The following BNC2 variants were observed in gnomAD, a reference collection of about 807,000 sequenced individuals.
BNC2 encodes zinc finger protein basonuclin-2.
A neutral mutation model predicts 76.3 loss-of-function variants in BNC2; 20 were observed. That is an observed-to-expected ratio of 0.26 (90% CI 0.18 to 0.38). BNC2 has a LOEUF of 0.38. BNC2 is among the 10% of genes least tolerant of loss of function. BNC2 has a pLI of 1.00. For synonymous variants in BNC2, 582 were observed against 514.8 expected, an observed-to-expected ratio of 1.13 and a Z score of -1.77; for missense variants, 1,382 against 1,399.8, an observed-to-expected ratio of 0.99 and a Z score of 0.20.
intron 3 of BNC2, among the ~76,000 whole-genome samples, chr9:16,583,696 T>A (rs1189020701): frequency 6.6e-6 from 1 of 152,156 alleles, no homozygotes; most frequent in East Asian, 1.9e-4. Flanking sequence ...TCGTTCCTGT[T>A]TTGAAAAATA....
chr9:16,674,949 G>A (rs899287379), intron 3 of BNC2, among the ~76,000 whole-genome samples: 2 of 152,104 alleles, frequency 1.3e-5, no homozygotes, highest in Non-Finnish European at 2.9e-5. Flanking sequence ...TAAAGTTTAA[G>A]AATCGGCATT....
chr9:16,594,294 C>A (rs368241372), intron 3 of BNC2, among the ~76,000 whole-genome samples: 1 of 152,098 alleles, frequency 6.6e-6, no homozygotes, highest in Non-Finnish European at 1.5e-5. Flanking sequence ...AGAAGTAACA[C>A]AAAAGTTGTC....
At chr9:16,613,352 C>A (rs527421105) in intron 3 of BNC2, among the ~76,000 whole-genome samples, 1 of 152,258 alleles carries the variant, frequency 6.6e-6, no homozygotes, top group Non-Finnish European at 1.5e-5. Flanking sequence ...GGAAAAAAAT[C>A]CATTTTGTGC....
At chr9:16,610,273 G>C (rs990172602) in intron 3 of BNC2, among the ~76,000 whole-genome samples, 12 of 152,180 alleles carry the variant, frequency 7.9e-5, no homozygotes, top group South Asian at 6.2e-4. Context: ...TGGCATTTGG[G>C]AGCCCCCTTT....
Position 16,479,463 on chromosome 9 carries a change from G to A in BNC2, c.670-41939C>T, listed in dbSNP as rs1463982100. ...AAGGTTCATTTTCCCTTCAGTGATA[G>A]GGAGGTATAAGAGCCTTCCTCTTCA... is the stretch of plus-strand genomic sequence containing the variant. On this transcript the variant is annotated intron_variant, in intron 5 of 6. Coordinates refer to ENST00000380672, the MANE Select transcript of BNC2 (RefSeq NM_017637.6). Among the ~76,000 whole-genome samples, 7 of 152,192 alleles carry A rather than the reference G, an allele frequency of 4.6e-5. No individual in the cohort carries two copies. The East Asian group carries it at 1.4e-3, about 29-fold the overall frequency.
chr9:16,545,992 G>A (rs1818470429), intron 5 of BNC2, among the ~76,000 whole-genome samples: 2 of 152,180 alleles, frequency 1.3e-5, no homozygotes, highest in African/African-American at 4.8e-5. Flanking sequence ...TAGTATTTCA[G>A]GATGTACTTA....
chr9:16,521,271 T>C (rs1342420493), intron 5 of BNC2, among the ~76,000 whole-genome samples: 1 of 152,152 alleles, frequency 6.6e-6, no homozygotes, highest in Admixed American at 6.5e-5. Flanking sequence ...GGAAGCTCTA[T>C]CTCCCTCTAC....
intron 1 of BNC2, among the ~76,000 whole-genome samples, chr9:16,815,233 C>T (rs911942362): frequency 6.6e-6 from 1 of 152,100 alleles, no homozygotes; most frequent in African/African-American, 2.4e-5. Flanking sequence ...AGATTAAGTA[C>T]AGCTGGAGTG....
At chr9:16,785,870 T>C (rs1238977625) in intron 1 of BNC2, among the ~76,000 whole-genome samples, 1 of 151,214 alleles carries the variant, frequency 6.6e-6, no homozygotes, top group Middle Eastern at 3.4e-3. Context: ...CAAATGGCAA[T>C]GTGAACACAT....
At chr9:16,645,162 C>T (rs1379452168) in intron 3 of BNC2, among the ~76,000 whole-genome samples, 1 of 152,036 alleles carries the variant, frequency 6.6e-6, no homozygotes, top group Non-Finnish European at 1.5e-5. Flanking sequence ...TTCCTTGAAC[C>T]TTGGCTTGGA....
intron 5 of BNC2, among the ~76,000 whole-genome samples, chr9:16,473,730 G>A (rs897020177): frequency 3.3e-4 from 50 of 152,070 alleles, no homozygotes; most frequent in African/African-American, 8.4e-4. Context: ...AAAATTAGCC[G>A]GGTGTGGTGG....
At chr9:16,470,585 G>A (rs1223012797) in intron 5 of BNC2, among the ~76,000 whole-genome samples, 1 of 152,202 alleles carries the variant, frequency 6.6e-6, no homozygotes, top group Non-Finnish European at 1.5e-5. Context: ...TGCAGCCTAG[G>A]AACTTGGTGC....
intron 3 of BNC2, among the ~76,000 whole-genome samples, chr9:16,636,263 C>T (rs1821322163): frequency 6.6e-6 from 1 of 151,882 alleles, no homozygotes; most frequent in Admixed American, 6.6e-5. Context: ...TCTGACCATC[C>T]ATAGTTCATG....
In BNC2 at chr9:16,870,176, G is replaced by A. The variant is rs961984205; in HGVS notation, c.3+470C>T. Among the ~76,000 whole-genome samples the A allele has an allele frequency of 8.2e-5, 12 of 145,510 alleles. No individual in the cohort carries two copies. In the South Asian group the frequency reaches 2.2e-3, roughly 27 times the overall value. Reference sequence around the variant, plus strand: ...CCAGCGCACCCGGCACCCACGCCCAGCCGCCGGTCCCTCACTCGGCGGCAA... The same window carrying A: ...CCAGCGCACCCGGCACCCACGCCCAACCGCCGGTCCCTCACTCGGCGGCAA... On this transcript the variant is annotated intron_variant, in intron 1 of 6. Coordinates refer to ENST00000380672, the MANE Select transcript of BNC2 (RefSeq NM_017637.6).
chr9:16,534,608 T>C (rs530894134), intron 5 of BNC2, among the ~76,000 whole-genome samples: 24 of 152,286 alleles, frequency 1.6e-4, no homozygotes, highest in Admixed American at 8.5e-4. Context: ...TATCTCTCTT[T>C]ATCGTCTTTT....
intron 1 of BNC2, among the ~76,000 whole-genome samples, chr9:16,833,792 C>T (rs2136041912): frequency 6.6e-6 from 1 of 152,334 alleles, no homozygotes; most frequent in East Asian, 1.9e-4. Flanking sequence ...AAAACCTCCT[C>T]ATTTCATTTA....
intron 1 of BNC2, among the ~76,000 whole-genome samples, chr9:16,754,494 G>A (rs1825317935): frequency 6.6e-6 from 1 of 152,034 alleles, no homozygotes; most frequent in Non-Finnish European, 1.5e-5. Flanking sequence ...AAATGGGAGG[G>A]TCTTTCCCCC....
At chr9:16,572,192 T>C (rs1034940809) in intron 4 of BNC2, among the ~76,000 whole-genome samples, 2 of 152,156 alleles carry the variant, frequency 1.3e-5, no homozygotes, top group African/African-American at 4.8e-5. Context: ...AACACCAACA[T>C]CTGTTAATGA....
intron 1 of BNC2, among the ~76,000 whole-genome samples, chr9:16,831,460 GAA>G (rs1165688521): frequency 5.9e-5 from 9 of 152,210 alleles, no homozygotes; most frequent in East Asian, 5.8e-4. Context: ...TTCTTAAACA[GAA>G]CTTGCAGCTA....
Sources: allele counts gnomAD v4.1 joint callset (sites outside exome capture counted in the v4.1 genomes callset), GRCh38; gene constraint gnomAD v4.1.1; transcripts MANE v1.5; gene names NCBI Gene and HGNC (gene_info 2026-07-23, HGNC 2026-07-21).